Variants in EPB41L4A observed in about 807,000 individuals in gnomAD.
EPB41L4A encodes erythrocyte membrane protein band 4.1 like 4A, also known as band 4.1-like protein 4A.
EPB41L4A carries 100 observed loss-of-function variants against 108.6 expected under a neutral mutation model. The observed-to-expected ratio is 0.92, with a 90% CI of 0.78 to 1.09. The LOEUF is 1.09. Ranked by LOEUF, EPB41L4A falls within the 50% of genes least tolerant of loss-of-function variation. The pLI, the probability that EPB41L4A is intolerant of heterozygous loss-of-function variation, is 0.00. For synonymous variants in EPB41L4A, 319 were observed against 289.0 expected (o/e 1.10, Z -1.05); for missense variants, 1,030 against 842.7 (o/e 1.22, Z -2.75).
chr5:112,188,278 C>A (rs943610096), intron 17 of EPB41L4A, among the ~76,000 whole-genome samples: 1 of 152,178 alleles, frequency 6.6e-6, no homozygotes, highest in South Asian at 2.1e-4. Context: ...CATGTGTCGA[C>A]ATACTCCCTT....
At chr5:112,156,760 A>C (rs1370475715) in intron 12 of EPB41L4A, among the ~76,000 whole-genome samples, 1 of 152,186 alleles carries the variant, frequency 6.6e-6, no homozygotes, top group Non-Finnish European at 1.5e-5. Context: ...CAATTCCAAT[A>C]AAAATCCCAA....
chr5:112,167,058 G>GT (rs1250004012), intron 22 of EPB41L4A, among the ~76,000 whole-genome samples: 1 of 129,460 alleles, frequency 7.7e-6, no homozygotes, highest in Non-Finnish European at 1.6e-5. Context: ...ATATGTGTAA[G>GT]TTTTTTTAAT....
At chr5:112,300,904 G>A (rs967844086) in intron 2 of EPB41L4A, among the ~76,000 whole-genome samples, 6 of 152,006 alleles carry the variant, frequency 3.9e-5, no homozygotes, top group Admixed American at 3.9e-4. Flanking sequence ...TTCGAGATCT[G>A]AAGTTCTTTA....
At chr5:112,240,935 T>C (rs1459871294) in intron 9 of EPB41L4A, 125 bp from the exon 10 acceptor site, 1 of 571,384 alleles carries the variant, frequency 1.8e-6, no homozygotes, top group Non-Finnish European at 3.1e-6. Context: ...ATATAAATAA[T>C]AACTGTCTCT....
At chr5:112,419,317 GCTCGAGCTC>G, upstream of EPB41L4A, 2 of 352,538 alleles carry the variant, frequency 5.7e-6, no homozygotes, top group Admixed American at 4.9e-5. Flanking sequence ...GCATCCTGCG[GCTCGAGCTC>G]CTCCGAAGGC....
chr5:112,364,350 G>T (rs536725156), intron 1 of EPB41L4A, among the ~76,000 whole-genome samples: 1 of 152,276 alleles, frequency 6.6e-6, no homozygotes, highest in South Asian at 2.1e-4. Context: ...GCAAATATTT[G>T]TTATGTGTAA....
chr5:112,357,926 A>G (rs1758467749), intron 1 of EPB41L4A, among the ~76,000 whole-genome samples: 1 of 152,226 alleles, frequency 6.6e-6, no homozygotes, highest in Admixed American at 6.5e-5. Flanking sequence ...CAGGTGAACA[A>G]AATTACAAGG....
At chr5:112,380,792 T>TACACACACACACACACAC (rs34831455) in intron 1 of EPB41L4A, among the ~76,000 whole-genome samples, 2 of 141,214 alleles carry the variant, frequency 1.4e-5, no homozygotes, top group African/African-American at 5.4e-5. Flanking sequence ...ATCACACACA[T>TACACACACACACACACAC]ACACACACAC....
intron 12 of EPB41L4A, among the ~76,000 whole-genome samples, chr5:112,211,935 A>G (rs1762765287): frequency 6.6e-6 from 1 of 152,194 alleles, no homozygotes; most frequent in African/African-American, 2.4e-5. Flanking sequence ...AGGTAAGCTC[A>G]TGCTGGAGCC....
intron 3 of EPB41L4A, among the ~76,000 whole-genome samples, chr5:112,279,760 T>TA (rs1365701001): frequency 6.6e-6 from 1 of 152,130 alleles, no homozygotes; most frequent in Non-Finnish European, 1.5e-5. Flanking sequence ...TTTGTATTGA[T>TA]AAAACCAAAA....
chr5:112,157,579 G>A (rs9326849), intron 12 of EPB41L4A, among the ~76,000 whole-genome samples: 38,352 of 152,068 alleles, frequency 0.25, 6,144 homozygotes, highest in East Asian at 0.54. Flanking sequence ...CATATTCTTT[G>A]GCTTGTGGCC....
At chr5:112,231,046 C>T (rs927933540) in intron 12 of EPB41L4A, among the ~76,000 whole-genome samples, 3 of 152,114 alleles carry the variant, frequency 2.0e-5, no homozygotes, top group Admixed American at 2.0e-4. Flanking sequence ...GAATACACAC[C>T]ACTGTTTAAA....
intron 1 of EPB41L4A, among the ~76,000 whole-genome samples, chr5:112,371,925 T>C (rs1759522001): frequency 6.6e-6 from 1 of 152,086 alleles, no homozygotes; most frequent in South Asian, 2.1e-4. Flanking sequence ...TGTGGTGGCA[T>C]GCATCTGTAG....
At chr5:112,152,158 C>T (rs78671448) in intron 12 of EPB41L4A, among the ~76,000 whole-genome samples, 7,034 of 147,332 alleles carry the variant, frequency 0.048, 195 homozygotes, top group Middle Eastern at 0.068. Context: ...CAATTTTTAA[C>T]AAATCCAATA....
At chr5:112,406,109 G>A (rs900193538) in intron 1 of EPB41L4A, among the ~76,000 whole-genome samples, 1 of 152,174 alleles carries the variant, frequency 6.6e-6, no homozygotes, top group African/African-American at 2.4e-5. Context: ...AGAAAAAGAA[G>A]CAGGCTCCCT....
chr5:112,366,719 C>T (rs1007195008), intron 1 of EPB41L4A, among the ~76,000 whole-genome samples: 1 of 152,044 alleles, frequency 6.6e-6, no homozygotes, highest in Admixed American at 6.6e-5. Context: ...TATCTCAAGG[C>T]ACAGAGCAGC....
chr5:112,401,904 C>T (rs1383807104), intron 1 of EPB41L4A, among the ~76,000 whole-genome samples: 1 of 152,184 alleles, frequency 6.6e-6, no homozygotes, highest in African/African-American at 2.4e-5. Context: ...CCATGAATTC[C>T]ACTTAGAGCA....
intron 1 of EPB41L4A, among the ~76,000 whole-genome samples, chr5:112,321,082 G>C (rs1755740775): frequency 6.6e-6 from 1 of 152,148 alleles, no homozygotes; most frequent in Non-Finnish European, 1.5e-5. Context: ...ACAGTATGTA[G>C]GAAATTCATA....
At chr5:112,143,706 G>T in exon 14 of EPB41L4A, 1 of 261,446 alleles carries the variant, frequency 3.8e-6, no homozygotes, top group South Asian at 3.4e-5. Flanking sequence ...AGAAGCAACA[G>T]CAATTTTCCC....
Sources: allele counts gnomAD v4.1 joint callset (sites outside exome capture counted in the v4.1 genomes callset), GRCh38; gene constraint gnomAD v4.1.1; transcripts MANE v1.5; gene names NCBI Gene and HGNC (gene_info 2026-07-23, HGNC 2026-07-21).